The following EBF1 variants were observed in gnomAD, a reference collection of about 807,000 sequenced individuals.
The protein encoded by EBF1 is EBF transcription factor 1.
A neutral mutation model predicts 68.4 loss-of-function variants in EBF1; 10 were observed. That is an observed-to-expected ratio of 0.15 (90% confidence interval 0.09 to 0.25). The LOEUF (loss-of-function observed/expected upper bound fraction) is 0.25, where lower values mean the gene tolerates loss of function less well. Ranked by LOEUF, EBF1 falls within the 10% of genes least tolerant of loss-of-function variation. The pLI, the probability that EBF1 is intolerant of heterozygous loss-of-function variation, is 1.00. For synonymous variants in EBF1, 298 were observed against 299.8 expected (o/e 0.99, Z 0.06); for missense variants, 509 against 794.4 (o/e 0.64, Z 4.32).
At chr5:158,885,291 G>A (rs371699592) in intron 6 of EBF1, among the ~76,000 whole-genome samples, 6 of 152,158 alleles carry the variant, frequency 3.9e-5, no homozygotes, top group Admixed American at 2.6e-4. Flanking sequence ...AAATTAAAAC[G>A]GAGCCACATA....
chr5:159,046,088 C>T (rs1318236269), intron 6 of EBF1, among the ~76,000 whole-genome samples: 3 of 152,142 alleles, frequency 2.0e-5, no homozygotes, highest in Admixed American at 1.3e-4. Flanking sequence ...TACAGCTCTC[C>T]GTATATTCCT....
Position 158,710,337 on chromosome 5 carries a change from G to C in EBF1, c.1549+1817C>G, listed in dbSNP as rs1362404525. Among the ~76,000 whole-genome samples the C allele has an allele frequency of 4.6e-5, 7 of 152,264 alleles. No homozygotes were observed. The South Asian group carries it at 8.3e-4, about 18-fold the overall frequency. ...AGTGTCTGCACAGGCTTGGGGAGGA[G>C]AGCATTCCAAGCCCCTAAATTGAAT... On this transcript the variant is annotated intron_variant, in intron 14 of 15. Coordinates refer to ENST00000313708, the MANE Select transcript of EBF1 (RefSeq NM_024007.5).
intron 10 of EBF1, among the ~76,000 whole-genome samples, chr5:158,748,647 G>T (rs976332584): frequency 1.3e-5 from 2 of 152,208 alleles, no homozygotes; most frequent in African/African-American, 2.4e-5. Context: ...GAGAAAAGAA[G>T]AGAGCATATT....
chr5:158,737,509 C>T (rs1463388553), intron 10 of EBF1, among the ~76,000 whole-genome samples: 1 of 151,904 alleles, frequency 6.6e-6, no homozygotes, highest in Non-Finnish European at 1.5e-5. Flanking sequence ...TGGTCTCGAT[C>T]TCCTGACCTC....
At chr5:158,717,660 G>T (rs1319565387) in intron 11 of EBF1, among the ~76,000 whole-genome samples, 2 of 151,536 alleles carry the variant, frequency 1.3e-5, no homozygotes, top group Non-Finnish European at 2.9e-5. Flanking sequence ...TCCCTTTTGG[G>T]AATTAAAGAC....
intron 6 of EBF1, among the ~76,000 whole-genome samples, chr5:158,883,382 A>G (rs1325879893): frequency 6.6e-6 from 1 of 151,364 alleles, no homozygotes; most frequent in African/African-American, 2.4e-5. Context: ...ACATGTATAT[A>G]TATACATACA....
intron 6 of EBF1, among the ~76,000 whole-genome samples, chr5:159,021,781 ACAAC>A (rs1338075734): frequency 1.3e-5 from 2 of 152,246 alleles, no homozygotes; most frequent in Non-Finnish European, 2.9e-5. Context: ...AAGAGCATAT[ACAAC>A]CAACCCAGCT....
At chr5:158,700,130 C>T (rs1756417338) in intron 15 of EBF1, among the ~76,000 whole-genome samples, 1 of 152,234 alleles carries the variant, frequency 6.6e-6, no homozygotes, top group East Asian at 1.9e-4. Flanking sequence ...GATTTTTAAC[C>T]CATCACTTCT....
Position 158,698,821 on chromosome 5 carries a change from TAA to T in EBF1, c.*288_*289del, listed in dbSNP as rs895114194. ...AGACAAATGATTGCAGAATTAAGCTTAAAAAAAAAAAAGAAAAAGAAAAAGTG... is the reference window on the plus strand; with the variant it reads ...AGACAAATGATTGCAGAATTAAGCTTAAAAAAAAAAGAAAAAGAAAAAGTG... On this transcript the variant is annotated 3_prime_UTR_variant, in exon 16 of 16. Transcript: ENST00000313708. 2.7e-4 allele frequency: 71 copies of T among 263,942 alleles called. No individual in the cohort carries two copies. The highest frequency in any genetic ancestry group is 5.2e-4 in the East Asian group (9 of 17,156). 16.4% of individuals were successfully genotyped at this position (263,942 alleles called of 1,614,324 possible).
intron 8 of EBF1, among the ~76,000 whole-genome samples, chr5:158,817,289 G>A (rs1417797127): frequency 6.6e-6 from 1 of 152,018 alleles, no homozygotes; most frequent in African/African-American, 2.4e-5. Context: ...TTGAATAGAT[G>A]AATGGTTCAA....
chr5:158,809,790 T>C (rs990118936), intron 8 of EBF1, among the ~76,000 whole-genome samples: 3 of 152,272 alleles, frequency 2.0e-5, no homozygotes, highest in Admixed American at 2.0e-4. Flanking sequence ...ATAGCAACAC[T>C]ATGAGAAACA....
intron 8 of EBF1, among the ~76,000 whole-genome samples, chr5:158,798,248 C>T (rs1779931547): frequency 6.6e-6 from 1 of 152,100 alleles, no homozygotes; most frequent in Admixed American, 6.6e-5. Flanking sequence ...CTGAGAAGAA[C>T]AGGTTATTGG....
intron 6 of EBF1, among the ~76,000 whole-genome samples, chr5:158,905,626 G>T (rs1366613633): frequency 3.9e-5 from 6 of 152,124 alleles, no homozygotes; most frequent in African/African-American, 1.2e-4. Context: ...GTACTAATTT[G>T]GTTCATGAAG....
chr5:158,983,165 G>C (rs1463734961), intron 6 of EBF1: 2 of 152,100 alleles, frequency 1.3e-5, no homozygotes, highest in African/African-American at 4.8e-5. Flanking sequence ...AATAGTATAA[G>C]GGTTCTCTTT....
intron 6 of EBF1, among the ~76,000 whole-genome samples, chr5:158,956,536 A>G (rs1451738969): frequency 6.6e-6 from 1 of 152,020 alleles, no homozygotes; most frequent in African/African-American, 2.4e-5. Context: ...GCTCTTGACA[A>G]TTTGTTTCAA....
rs747415969 is a variant in EBF1, at chr5:158,930,608, AAC to A, written c.555-90500_555-90499del. 2.6e-5 allele frequency among the ~76,000 whole-genome samples: 4 copies of A among 152,364 alleles called. No homozygotes were observed. The East Asian group carries it at 5.8e-4, about 22-fold the overall frequency. On this transcript the variant is annotated intron_variant, in intron 6 of 15. Transcript: ENST00000313708. ...TCTTTAAAATGGTTCCAGTCTCCCA[AAC>A]ACAAGTATGGTTGTATGATGCATTT...
At chr5:159,036,405 T>C (rs1191064743) in intron 6 of EBF1, among the ~76,000 whole-genome samples, 3 of 149,350 alleles carry the variant, frequency 2.0e-5, no homozygotes, top group East Asian at 2.0e-4. Flanking sequence ...CTTCAAACTA[T>C]ACTACAAGGC....
chr5:158,719,021 T>A (rs144366877), intron 11 of EBF1, among the ~76,000 whole-genome samples: 1 of 152,284 alleles, frequency 6.6e-6, no homozygotes, highest in Non-Finnish European at 1.5e-5. Flanking sequence ...TATTCTAAGA[T>A]ACAGTTACTG....
At chr5:158,788,558 G>A (rs759454146) in intron 9 of EBF1, among the ~76,000 whole-genome samples, 5 of 152,154 alleles carry the variant, frequency 3.3e-5, no homozygotes, top group Admixed American at 2.6e-4. Context: ...GCCAGTAAAG[G>A]TTGTATAAGG....
Sources: gnomAD v4.1 joint callset for allele counts (sites outside exome capture counted in the v4.1 genomes callset) on GRCh38, gnomAD v4.1.1 for gene constraint, MANE v1.5 for transcripts, NCBI Gene and HGNC (gene_info 2026-07-23, HGNC 2026-07-21) for gene names.